RPS6KC1: variants seen among roughly 807,000 people sequenced by gnomAD.
RPS6KC1 encodes the protein inactive ribosomal protein S6 kinase delta-1.
A neutral mutation model predicts 103.8 loss-of-function variants in RPS6KC1; 54 were observed. That is an observed-to-expected ratio of 0.52 (90% CI 0.42 to 0.65). The LOEUF is 0.65. Ranked by LOEUF, RPS6KC1 falls within the 30% of genes least tolerant of loss-of-function variation. The pLI is 0.00. For synonymous variants in RPS6KC1, 439 were observed against 438.7 expected (o/e 1.00, Z -0.01); for missense variants, 1,151 against 1,253.8 (o/e 0.92, Z 1.24).
the RPS6KC1 span, among the ~76,000 whole-genome samples, chr1:213,830,672 T>A: frequency 1.3e-4 from 16 of 127,738 alleles, no homozygotes; most frequent in Admixed American, 3.1e-4. Context: ...TCACATTCTT[T>A]AAAAAAAAAA....
At chr1:213,119,926 G>A (rs577639056) in intron 5 of RPS6KC1, among the ~76,000 whole-genome samples, 14 of 152,182 alleles carry the variant, frequency 9.2e-5, no homozygotes, top group Non-Finnish European at 1.6e-4. Flanking sequence ...ATTATAGACA[G>A]TGCTATTAAT....
chr1:213,631,142 T>A, the RPS6KC1 span, among the ~76,000 whole-genome samples: 3 of 152,278 alleles, frequency 2.0e-5, no homozygotes, highest in South Asian at 6.2e-4. Context: ...GGGAATTCCC[T>A]GACCTCTTGC....
the RPS6KC1 span, among the ~76,000 whole-genome samples, chr1:213,761,038 A>T: frequency 6.6e-6 from 1 of 151,878 alleles, no homozygotes; most frequent in African/African-American, 2.4e-5. Flanking sequence ...TTTATGTTGT[A>T]TATTATAAGG....
chr1:213,848,931 G>T, the RPS6KC1 span, among the ~76,000 whole-genome samples: 41 of 152,200 alleles, frequency 2.7e-4, no homozygotes, highest in African/African-American at 9.9e-4. Context: ...TGAGAGAAAA[G>T]GGAAAGTGAG....
the RPS6KC1 span, among the ~76,000 whole-genome samples, chr1:213,743,595 A>G: frequency 2.0e-5 from 3 of 152,212 alleles, no homozygotes; most frequent in Non-Finnish European, 4.4e-5. Flanking sequence ...TGTTTCCTTG[A>G]AGCCTAGCAG....
the RPS6KC1 span, among the ~76,000 whole-genome samples, chr1:213,332,043 A>G: frequency 6.6e-6 from 1 of 152,122 alleles, no homozygotes; most frequent in African/African-American, 2.4e-5. Context: ...AAAAAAAAAA[A>G]AAAGACAATG....
chr1:213,355,650 G>A, the RPS6KC1 span, among the ~76,000 whole-genome samples: 1 of 152,148 alleles, frequency 6.6e-6, no homozygotes, highest in Non-Finnish European at 1.5e-5. Context: ...GTTGTCTCTT[G>A]CAGAACACAC....
At chr1:213,521,447 A>G in the RPS6KC1 span, among the ~76,000 whole-genome samples, 22 of 152,286 alleles carry the variant, frequency 1.4e-4, no homozygotes, top group African/African-American at 5.3e-4. Context: ...ACTGATCAGG[A>G]TGGTGATTGC....
chr1:213,366,705 C>T, the RPS6KC1 span, among the ~76,000 whole-genome samples: 1 of 152,250 alleles, frequency 6.6e-6, no homozygotes, highest in African/African-American at 2.4e-5. Context: ...GTTAGTCCAC[C>T]TGGCATCTGG....
the RPS6KC1 span, chr1:213,821,654 C>A: frequency 3.3e-5 from 5 of 152,266 alleles, no homozygotes; most frequent in East Asian, 1.9e-4. Flanking sequence ...TCACCTTGAT[C>A]CCCTGCAAAG....
chr1:213,519,987 C>G, the RPS6KC1 span, among the ~76,000 whole-genome samples: 1 of 152,156 alleles, frequency 6.6e-6, no homozygotes, highest in Non-Finnish European at 1.5e-5. Context: ...GATCACACAG[C>G]TTCTGCCTTT....
chr1:213,717,525 G>A, the RPS6KC1 span, among the ~76,000 whole-genome samples: 1 of 152,210 alleles, frequency 6.6e-6, no homozygotes, highest in East Asian at 1.9e-4. Context: ...AGGGATGGCA[G>A]GGGTGGTGTT....
chr1:213,442,252 C>T, the RPS6KC1 span, among the ~76,000 whole-genome samples: 1 of 152,230 alleles, frequency 6.6e-6, no homozygotes, highest in African/African-American at 2.4e-5. Flanking sequence ...ATACCCTCTG[C>T]TCCCATAACA....
chr1:213,231,452 A>C (rs2841434), intron 9 of RPS6KC1, among the ~76,000 whole-genome samples: 2,890 of 152,310 alleles, frequency 0.019, 94 homozygotes, highest in African/African-American at 0.064. Flanking sequence ...AAAATATCCT[A>C]ATTTAAGCAT....
the RPS6KC1 span, among the ~76,000 whole-genome samples, chr1:213,743,704 G>A: frequency 6.6e-6 from 1 of 152,154 alleles, no homozygotes; most frequent in African/African-American, 2.4e-5. Flanking sequence ...GACCCAACAG[G>A]TCATGGGAGA....
At chr1:213,177,782 T>C (rs2091971297) in intron 8 of RPS6KC1, among the ~76,000 whole-genome samples, 11 of 152,174 alleles carry the variant, frequency 7.2e-5, no homozygotes. Context: ...CTTCTTGAGG[T>C]ACAGTGTCTG....
At chr1:213,387,818 T>G in the RPS6KC1 span, among the ~76,000 whole-genome samples, 90 of 152,340 alleles carry the variant, frequency 5.9e-4, no homozygotes, top group African/African-American at 2.0e-3. Context: ...ATTTAGACCT[T>G]GACACAAGAC....
At chr1:213,363,670 CT>C in the RPS6KC1 span, among the ~76,000 whole-genome samples, 1 of 101,992 alleles carries the variant, frequency 9.8e-6, no homozygotes, top group Non-Finnish European at 2.0e-5. Flanking sequence ...TTCTTTCTTT[CT>C]TTCTTTCTTT....
chr1:213,567,400 G>C, the RPS6KC1 span, among the ~76,000 whole-genome samples: 1 of 152,148 alleles, frequency 6.6e-6, no homozygotes, highest in South Asian at 2.1e-4. Flanking sequence ...ACTCCATGTG[G>C]ACACTTACAC....
Sources: allele counts gnomAD v4.1 joint callset (sites outside exome capture counted in the v4.1 genomes callset), GRCh38; gene constraint gnomAD v4.1.1; transcripts MANE v1.5; gene names NCBI Gene and HGNC (gene_info 2026-07-23, HGNC 2026-07-21).